The following THADA variants were observed in gnomAD, a reference collection of about 807,000 sequenced individuals.
The protein encoded by THADA is THADA armadillo repeat containing, also known as tRNA (32-2'-O)-methyltransferase regulator THADA.
A neutral mutation model predicts 219.8 loss-of-function variants in THADA; 213 were observed. That is an observed-to-expected ratio of 0.97 (90% CI 0.87 to 1.09). THADA has a LOEUF of 1.09. Among genes scored for constraint, THADA ranks in the 50% least tolerant of loss-of-function variants. The pLI, the probability that THADA is intolerant of heterozygous loss-of-function variation, is 0.00. For synonymous variants in THADA, 1,018 were observed against 828.9 expected (o/e 1.23, Z -3.92); for missense variants, 2,956 against 2,311.3 (o/e 1.28, Z -5.72).
chr2:43,454,434 C>T (rs1240989596), intron 26 of THADA, among the ~76,000 whole-genome samples: 1 of 152,072 alleles, frequency 6.6e-6, no homozygotes, highest in Non-Finnish European at 1.5e-5. Flanking sequence ...AAACCCATCT[C>T]TACAAAAAAA....
At chr2:43,239,205 G>A (rs998068930) in intron 36 of THADA, among the ~76,000 whole-genome samples, 1 of 152,234 alleles carries the variant, frequency 6.6e-6, no homozygotes, top group African/African-American at 2.4e-5. Context: ...GCAAACCAGA[G>A]CCTTCAGGGC....
In THADA at chr2:43,310,904, C is replaced by T. The variant is rs925578572; in HGVS notation, c.4438+9542G>A. 3.9e-5 allele frequency among the ~76,000 whole-genome samples: 6 copies of T among 152,292 alleles called. No individual in the cohort carries two copies. The South Asian group carries it at 8.3e-4, about 21-fold the overall frequency. The stretch of plus-strand genomic sequence containing the variant: ...AAAAGAGAAATAACTCGGCTGGGCG[C>T]GGTGGCTCACGCCTGTAATCCCAGC... On this transcript the variant is annotated intron_variant, in intron 31 of 37. Transcript: ENST00000405975.
chr2:43,423,714 C>T (rs1253028617), intron 28 of THADA, among the ~76,000 whole-genome samples: 1 of 152,096 alleles, frequency 6.6e-6, no homozygotes. Flanking sequence ...TCTAAGCTCT[C>T]CTGGGCCTTT....
At chr2:43,385,606 C>CAAAAAA (rs532857816) in intron 29 of THADA, among the ~76,000 whole-genome samples, 240 of 48,314 alleles carry the variant, frequency 5.0e-3, no homozygotes, top group Middle Eastern at 0.011. Flanking sequence ...GACTCCGTCT[C>CAAAAAA]AAAAAAAAAA....
At chr2:43,332,738 C>A (rs955041343) in intron 30 of THADA, among the ~76,000 whole-genome samples, 6 of 152,214 alleles carry the variant, frequency 3.9e-5, no homozygotes, top group Admixed American at 1.3e-4. Context: ...AATCTTCCAA[C>A]AGCAACACCC....
At chr2:43,587,134 A>G (rs996712084) in intron 4 of THADA, 132 bp from the exon 5 acceptor site, 8 of 913,444 alleles carry the variant, frequency 8.8e-6, no homozygotes, top group African/African-American at 1.7e-5. Context: ...CTACAACTAC[A>G]CACTACCATC....
At chr2:43,274,271 C>T (rs925636716) in intron 36 of THADA, among the ~76,000 whole-genome samples, 3 of 152,170 alleles carry the variant, frequency 2.0e-5, no homozygotes, top group Non-Finnish European at 2.9e-5. Flanking sequence ...GGACAGTGTG[C>T]GAGTCAGCAA....
intron 14 of THADA, among the ~76,000 whole-genome samples, chr2:43,569,588 G>A (rs892705599): frequency 1.3e-5 from 2 of 152,152 alleles, no homozygotes; most frequent in South Asian, 2.1e-4. Flanking sequence ...CTCTTTGTTT[G>A]ATGGCTTTTT....
rs544124166 is a variant in THADA at position 43,467,157 on chromosome 2, G to C, written c.3836+18077C>G. Among the ~76,000 whole-genome samples, 515 of 134,512 alleles carry C rather than the reference G, an allele frequency of 3.8e-3. 6 individuals are homozygous for C. Among genetic ancestry groups the C allele is most frequent in the African/African-American group, 0.014 (492 of 34,394 alleles). 88.2% of individuals were successfully genotyped at this position (134,512 alleles called of 152,430 possible). A position where few individuals can be genotyped will look rare whatever the true frequency, so the allele number is the denominator to read the frequency against. ...AGATCGCGCCACTGCACTCCAGCCT[G>C]GGCGACAGAGCGAGACTCCGTCTCA... On this transcript the variant is annotated intron_variant, in intron 26 of 37. Coordinates refer to ENST00000405975, the MANE Select transcript of THADA (RefSeq NM_022065.5).
chr2:43,441,435 G>A (rs182372335), intron 26 of THADA, among the ~76,000 whole-genome samples: 1 of 152,300 alleles, frequency 6.6e-6, no homozygotes, highest in East Asian at 1.9e-4. Flanking sequence ...TGAAGGATAT[G>A]CAACATTAAC....
At chr2:43,289,053 T>C (rs1473516000) in intron 34 of THADA, among the ~76,000 whole-genome samples, 4 of 152,218 alleles carry the variant, frequency 2.6e-5, no homozygotes. Flanking sequence ...TTCCTATAAA[T>C]GGAATCAGAT....
intron 26 of THADA, chr2:43,484,328 C>A (rs1181173925): frequency 5.9e-6 from 1 of 168,686 alleles, no homozygotes; most frequent in Non-Finnish European, 1.5e-5. Context: ...CACAAAAATG[C>A]ATTTCAATAA....
intron 29 of THADA, among the ~76,000 whole-genome samples, chr2:43,355,348 C>T (rs528896997): frequency 6.6e-6 from 1 of 152,294 alleles, no homozygotes; most frequent in South Asian, 2.1e-4. Flanking sequence ...TACATTCCCA[C>T]CAACAGTGTA....
intron 26 of THADA, among the ~76,000 whole-genome samples, chr2:43,475,604 C>T (rs1685440345): frequency 6.6e-6 from 1 of 152,110 alleles, no homozygotes; most frequent in African/African-American, 2.4e-5. Context: ...ACCAGGGAGA[C>T]ATTTCATATT....
At chr2:43,246,815 C>T (rs1305894715) in intron 36 of THADA, among the ~76,000 whole-genome samples, 3 of 152,216 alleles carry the variant, frequency 2.0e-5, no homozygotes, top group Non-Finnish European at 4.4e-5. Flanking sequence ...CAGCAGCCTC[C>T]CTGGAGTGAC....
intron 29 of THADA, among the ~76,000 whole-genome samples, chr2:43,357,663 A>G (rs1381119099): frequency 6.6e-6 from 1 of 152,212 alleles, no homozygotes; most frequent in African/African-American, 2.4e-5. Flanking sequence ...ATAGTCCTAC[A>G]TATATCCTGT....
intron 34 of THADA, among the ~76,000 whole-genome samples, chr2:43,289,916 A>C (rs1419573126): frequency 6.7e-6 from 1 of 149,912 alleles, no homozygotes; most frequent in African/African-American, 2.5e-5. Flanking sequence ...AGCCTCCCAA[A>C]GTGCTAGGAT....
At chr2:43,357,619 T>C (rs1669015312) in intron 29 of THADA, among the ~76,000 whole-genome samples, 1 of 152,176 alleles carries the variant, frequency 6.6e-6, no homozygotes, top group Admixed American at 6.5e-5. Flanking sequence ...AGTTTAGAAA[T>C]GACCAATACG....
chr2:43,303,936 T>C (rs2104414664), intron 31 of THADA, among the ~76,000 whole-genome samples: 1 of 152,304 alleles, frequency 6.6e-6, no homozygotes, highest in South Asian at 2.1e-4. Flanking sequence ...TCCCAGGTAA[T>C]GCTGATGCTG....
Sources: gnomAD v4.1 joint callset for allele counts (sites outside exome capture counted in the v4.1 genomes callset) on GRCh38, gnomAD v4.1.1 for gene constraint, MANE v1.5 for transcripts, NCBI Gene and HGNC (gene_info 2026-07-23, HGNC 2026-07-21) for gene names.